STAU1: variants seen among roughly 807,000 people sequenced by gnomAD.
The protein encoded by STAU1 is staufen double-stranded RNA binding protein 1.
In STAU1, 13 loss-of-function variants were observed where a neutral mutation model predicts 62.9. The observed-to-expected ratio is 0.21, with a 90% CI of 0.13 to 0.33. STAU1 has a LOEUF of 0.33. Ranked by LOEUF, STAU1 falls within the 10% of genes least tolerant of loss-of-function variation. The pLI, the probability that STAU1 is intolerant of heterozygous loss-of-function variation, is 1.00. For missense variants in STAU1, 571 were observed against 712.1 expected (o/e 0.80, Z 2.25); for synonymous variants, 269 against 265.1 (o/e 1.01, Z -0.14).
At chr20:49,186,649 T>A (rs1398742736) in intron 1 of STAU1, among the ~76,000 whole-genome samples, 1 of 152,058 alleles carries the variant, frequency 6.6e-6, no homozygotes, top group Non-Finnish European at 1.5e-5. Context: ...CCAGTATGTT[T>A]TAGTAAAGTT....
chr20:49,142,564 A>C (rs2093033261), intron 5 of STAU1, among the ~76,000 whole-genome samples: 1 of 152,168 alleles, frequency 6.6e-6, no homozygotes, highest in African/African-American at 2.4e-5. Context: ...TGGGAGCTTC[A>C]CAAGTTCAGA....
At chr20:49,205,296 G>A in the STAU1 span, among the ~76,000 whole-genome samples, 3 of 151,626 alleles carry the variant, frequency 2.0e-5, no homozygotes, top group East Asian at 1.9e-4. Flanking sequence ...TTCTCATTAC[G>A]CACACAAGTG....
At chr20:49,209,638 A>ACG in the STAU1 span, among the ~76,000 whole-genome samples, 1 of 152,080 alleles carries the variant, frequency 6.6e-6, no homozygotes, top group Non-Finnish European at 1.5e-5. Flanking sequence ...TAGCTACTTG[A>ACG]AGGCTGAGGC....
intron 6 of STAU1, among the ~76,000 whole-genome samples, chr20:49,132,028 A>G (rs1177918490): frequency 6.6e-6 from 1 of 150,620 alleles, no homozygotes; most frequent in African/African-American, 2.4e-5. Context: ...AAATGGATGC[A>G]CTCTTTTTTT....
chr20:49,195,140 G>A, the STAU1 span, among the ~76,000 whole-genome samples: 1 of 152,012 alleles, frequency 6.6e-6, no homozygotes, highest in Non-Finnish European at 1.5e-5. Context: ...ATGATAAACT[G>A]GAAAAAATTT....
intron 12 of STAU1, 31 bp from the exon 13 acceptor site, chr20:49,115,898 C>T (rs775026699): frequency 6.3e-7 from 1 of 1,598,188 alleles, no homozygotes; most frequent in East Asian, 2.2e-5. Context: ...GGTAAAGCCA[C>T]AGCCACCGCT....
intron 5 of STAU1, among the ~76,000 whole-genome samples, chr20:49,144,603 TCTC>T (rs1302462131): frequency 6.6e-6 from 1 of 152,126 alleles, no homozygotes; most frequent in Admixed American, 6.6e-5. Context: ...TCAATTCTCT[TCTC>T]CTTGACATTA....
the STAU1 span, among the ~76,000 whole-genome samples, chr20:49,206,292 C>A: frequency 1.3e-5 from 2 of 151,702 alleles, no homozygotes; most frequent in South Asian, 2.1e-4. Context: ...CCGCACCCGG[C>A]CAAAATTAAT....
At chr20:49,144,160 A>G (rs1048991168) in intron 5 of STAU1, among the ~76,000 whole-genome samples, 9 of 152,112 alleles carry the variant, frequency 5.9e-5, no homozygotes, top group Non-Finnish European at 7.4e-5. Flanking sequence ...TTTTATATCT[A>G]TTTTCTTCCA....
chr20:49,173,332 C>T (rs1426103520), intron 2 of STAU1, among the ~76,000 whole-genome samples: 1 of 152,058 alleles, frequency 6.6e-6, no homozygotes, highest in Non-Finnish European at 1.5e-5. Flanking sequence ...TGGCACACGC[C>T]TGTAATCCCA....
At chr20:49,134,292 A>G (rs2092819623) in intron 6 of STAU1, among the ~76,000 whole-genome samples, 1 of 152,024 alleles carries the variant, frequency 6.6e-6, no homozygotes, top group African/African-American at 2.4e-5. Context: ...TTAGCTCGGC[A>G]TGGTGGCGTA....
the STAU1 span, among the ~76,000 whole-genome samples, chr20:49,201,040 C>A: frequency 5.5e-5 from 1 of 18,094 alleles, no homozygotes; most frequent in Admixed American, 1.9e-3. Context: ...GTAAGACCCA[C>A]TCTCAAAAAA....
intron 5 of STAU1, among the ~76,000 whole-genome samples, chr20:49,146,157 T>C (rs1222042501): frequency 1.3e-5 from 2 of 151,878 alleles, no homozygotes; most frequent in South Asian, 4.2e-4. Context: ...TCCTAGCTAC[T>C]TGGGAGGCTG....
intron 2 of STAU1, among the ~76,000 whole-genome samples, chr20:49,167,818 T>C (rs1235289870): frequency 6.6e-6 from 1 of 152,144 alleles, no homozygotes; most frequent in Non-Finnish European, 1.5e-5. Flanking sequence ...GAGCACTTTT[T>C]AAAACAAAAA....
At chr20:49,217,164 C>CG in the STAU1 span, among the ~76,000 whole-genome samples, 9 of 152,206 alleles carry the variant, frequency 5.9e-5, no homozygotes, top group African/African-American at 2.2e-4. Flanking sequence ...CCCCACTCCC[C>CG]GGCGCTGCCA....
chr20:49,117,022 G>A lies in STAU1; in HGVS notation c.1632+104C>T. 3 of 1,449,630 alleles carry A rather than the reference G, an allele frequency of 2.1e-6. No individual in the cohort carries two copies. Among genetic ancestry groups the A allele is most frequent in the African/African-American group, 2.8e-5 (2 of 70,778 alleles). 89.8% of individuals were successfully genotyped at this position (1,449,630 alleles called of 1,614,324 possible). On this transcript the variant is annotated intron_variant, in intron 12 of 13. Coordinates refer to ENST00000371856, the MANE Select transcript of STAU1 (RefSeq NM_017453.4). This position sits in a 1 kb window ranked among gnomAD's most constrained non-coding sequence, Gnocchi z 4.6. ...CGATTCATTGCTCTCAAGGTCTATG[G>A]GACAATCTTTCTCCCATCTTCCTCA...
chr20:49,136,028 G>T, intron 5 of STAU1, 97 bp from the exon 6 acceptor site: 1 of 915,602 alleles, frequency 1.1e-6, no homozygotes. Context: ...TGAAGGCTAA[G>T]GCAGGAGGAT....
rs376057319 is a variant in STAU1, at chr20:49,134,047, G to T, written c.609+1786C>A. The stretch of plus-strand genomic sequence containing the variant: ...TATAAGCTTCAGATAGGCTTTTTAA[G>T]AAATAAGCCATAATCAAGCACGTAA... On this transcript the variant is annotated intron_variant, in intron 6 of 13. Coordinates refer to ENST00000371856, the MANE Select transcript of STAU1 (RefSeq NM_017453.4). Among the ~76,000 whole-genome samples the T allele has an allele frequency of 4.6e-5, 7 of 152,248 alleles. No individual in the cohort carries two copies. The East Asian group carries it at 1.2e-3, about 25-fold the overall frequency.
At chr20:49,199,385 C>A in the STAU1 span, among the ~76,000 whole-genome samples, 1 of 150,160 alleles carries the variant, frequency 6.7e-6, no homozygotes, top group African/African-American at 2.4e-5. Flanking sequence ...CATGCGCCAC[C>A]ACGCCCAGCT....
Sources: allele counts gnomAD v4.1 joint callset (sites outside exome capture counted in the v4.1 genomes callset), GRCh38; gene constraint gnomAD v4.1.1; non-coding constraint Gnocchi (gnomAD v3.1); transcripts MANE v1.5; gene names NCBI Gene and HGNC (gene_info 2026-07-23, HGNC 2026-07-21).